The following PROM1 variants were observed in gnomAD, a reference collection of about 807,000 sequenced individuals.
PROM1 encodes prominin 1.
Under a neutral mutation model 116.9 loss-of-function variants are expected in PROM1, and 105 were observed. The observed-to-expected ratio is 0.90, with a 90% CI of 0.77 to 1.06. PROM1 has a LOEUF of 1.06. Among genes scored for constraint, PROM1 ranks in the 50% least tolerant of loss-of-function variants. The pLI, the probability that PROM1 is intolerant of heterozygous loss-of-function variation, is 0.00. For synonymous variants in PROM1, 393 were observed against 387.0 expected, an observed-to-expected ratio of 1.02 and a Z score of -0.18; for missense variants, 1,122 against 1,045.2, an observed-to-expected ratio of 1.07 and a Z score of -1.01.
At chr4:16,058,617 A>T (rs1739575992) in intron 2 of PROM1, among the ~76,000 whole-genome samples, 1 of 151,516 alleles carries the variant, frequency 6.6e-6, no homozygotes. Context: ...ACTGCACTCT[A>T]GCCTGGGCGA....
At chr4:15,980,292 CCAA>C (rs1717432242) in intron 24 of PROM1, 127 bp downstream of exon 24, 1 of 690,882 alleles carries the variant, frequency 1.4e-6, no homozygotes, top group Non-Finnish European at 2.5e-6. Context: ...CAGAAGTGAC[CCAA>C]CTACTACTAA....
chr4:15,984,364 G>C lies in PROM1; in HGVS notation c.2281-9C>G. The C allele has an allele frequency of 1.3e-6, 2 of 1,532,556 alleles. No homozygotes were observed. The highest frequency in any genetic ancestry group is 1.8e-6 in the Non-Finnish European group (2 of 1,134,022). The allele number at this position is 1,532,556 out of a possible 1,614,324, so 94.9% of individuals were successfully genotyped here. ...GCCACTTTCTCACTGATCTAGGGGG[G>C]TGGAAACACAGGGAAACTTTGAGCT... On this transcript the variant is annotated splice_polypyrimidine_tract_variant and intron_variant, in intron 22 of 27. Coordinates refer to ENST00000447510, the MANE Select transcript of PROM1 (RefSeq NM_006017.3).
chr4:16,021,825 C>T (rs1729969759), intron 8 of PROM1, among the ~76,000 whole-genome samples: 1 of 152,188 alleles, frequency 6.6e-6, no homozygotes, highest in Admixed American at 6.5e-5. Flanking sequence ...CCCAACTCCA[C>T]CACTTCCCCC....
rs558179596 is a variant in PROM1, at chr4:16,011,788, C to T, written c.1141+1487G>A. Among the ~76,000 whole-genome samples, 5 of 152,302 alleles carry T rather than the reference C, an allele frequency of 3.3e-5. No individual in the cohort carries two copies. In the South Asian group the frequency reaches 1.0e-3, roughly 32 times the overall value. On this transcript the variant is annotated intron_variant, in intron 11 of 27. Transcript: ENST00000447510. ...ATGCAAAAGGAAACCCACAAAACAT[C>T]TAAAGTGTCATGTAGCAAGATAAAA...
chr4:15,993,877 A>C, intron 16 of PROM1, 110 bp downstream of exon 16: 1 of 1,510,848 alleles, frequency 6.6e-7, no homozygotes, highest in Non-Finnish European at 8.9e-7. Flanking sequence ...ACTTTTAAAT[A>C]GTTAATTTTA....
chr4:16,018,556 C>A lies in PROM1; in HGVS notation c.785-16G>T, dbSNP rs1393364833. ...TCCTTGATCGCTATGGAAACACAGCCCGCTTCAGAACACACATGCCAAGTC... is the reference window on the plus strand; with the variant it reads ...TCCTTGATCGCTATGGAAACACAGCACGCTTCAGAACACACATGCCAAGTC... On this transcript the variant is annotated splice_polypyrimidine_tract_variant and intron_variant, in intron 8 of 27. Transcript: ENST00000447510. The A allele has an allele frequency of 3.1e-6, 5 of 1,587,972 alleles. No individual in the cohort carries two copies. In the African/African-American group the frequency reaches 6.7e-5, roughly 21 times the overall value.
intron 26 of PROM1, 64 bp from the exon 27 acceptor site, chr4:15,971,146 T>C: frequency 1.4e-6 from 2 of 1,393,816 alleles, no homozygotes; most frequent in South Asian, 2.5e-5. Context: ...TTTCATCACC[T>C]CTGTGCTAAG....
At chr4:16,021,627 T>C (rs1025388326) in intron 8 of PROM1, among the ~76,000 whole-genome samples, 1 of 152,202 alleles carries the variant, frequency 6.6e-6, no homozygotes, top group Non-Finnish European at 1.5e-5. Flanking sequence ...GGCTGCAGTG[T>C]TGCCTGGCAT....
intron 26 of PROM1, among the ~76,000 whole-genome samples, chr4:15,974,118 TTCTC>T (rs35011290): frequency 0.25 from 37,426 of 149,380 alleles, 5,089 homozygotes; most frequent in Non-Finnish European, 0.31. Context: ...CTCTCTCTCT[TTCTC>T]TCTCTCTCTC....
intron 8 of PROM1, 25 bp downstream of exon 8, chr4:16,023,301 T>C: frequency 3.9e-6 from 6 of 1,538,760 alleles, no homozygotes; most frequent in Non-Finnish European, 5.3e-6. Flanking sequence ...GGAACTTTCT[T>C]TGGTCATTTT....
intron 1 of PROM1, chr4:16,080,810 G>A (rs1485715624): frequency 6.6e-6 from 1 of 152,216 alleles, no homozygotes; most frequent in Non-Finnish European, 1.5e-5. Context: ...GCTTTCTTCT[G>A]GGCCTGGGCC....
intron 13 of PROM1, among the ~76,000 whole-genome samples, chr4:16,006,278 T>C (rs767490247): frequency 6.6e-6 from 1 of 152,254 alleles, no homozygotes; most frequent in African/African-American, 2.4e-5. Flanking sequence ...ATAAATAGTG[T>C]GCTTAAGCTG....
intron 13 of PROM1, among the ~76,000 whole-genome samples, chr4:16,006,232 G>C (rs1725431178): frequency 6.6e-6 from 1 of 152,248 alleles, no homozygotes; most frequent in South Asian, 2.1e-4. Context: ...AATCAAGAAA[G>C]CAAGTCTAGC....
intron 3 of PROM1, among the ~76,000 whole-genome samples, chr4:16,036,152 C>T (rs1045475706): frequency 6.6e-6 from 1 of 152,160 alleles, no homozygotes; most frequent in African/African-American, 2.4e-5. Context: ...TTCCCAAGTG[C>T]CCTTTTCTAA....
Position 15,998,413 on chromosome 4 carries a change from T to A in PROM1, c.1654A>T (p.Met552Leu). The A allele has an allele frequency of 6.2e-7, 1 of 1,606,184 alleles. No individual in the cohort carries two copies. Among genetic ancestry groups the A allele is most frequent in the Non-Finnish European group, 8.5e-7 (1 of 1,177,740 alleles). The stretch of plus-strand genomic sequence containing the variant: ...TAAACTTGTTCAAAAGTGAGCTTCA[T>A]TTTTGATTTATTAAATAGCTTCCCA... ...LSGKLFNKSK[M>L]KLTFEQVYSD... is the part of the protein sequence containing the mutation. The change falls in exon 15 of 28, where the codon ATG becomes TTG. Residue 552 changes from methionine to leucine, a missense_variant. Transcript: ENST00000447510.
intron 26 of PROM1, 122 bp from the exon 27 acceptor site, chr4:15,971,204 T>C (rs1577723757): frequency 4.1e-6 from 3 of 729,926 alleles, no homozygotes; most frequent in Non-Finnish European, 6.6e-6. Flanking sequence ...CCACACCTCA[T>C]AAAGTTTATC....
chr4:16,025,216 T>C lies in PROM1; in HGVS notation c.606A>G (p.Arg202=). 6.2e-7 allele frequency: 1 copy of C among 1,613,962 alleles called. No homozygotes were observed. Among genetic ancestry groups the C allele is most frequent in the Non-Finnish European group, 8.5e-7 (1 of 1,179,824 alleles). ...CCTCTGGAGTTTCATTCAAGAGAGT[T>C]CGCAAGTCCTTGAAATTGCTATCTG... ...KLADSNFKDL[R]TLLNETPEQI... Residue 202 remains arginine (R), a synonymous_variant, in exon 6 of 28, where the codon CGA becomes CGG. Transcript: ENST00000447510.
At chr4:16,020,083 C>T (rs1327229389) in intron 8 of PROM1, among the ~76,000 whole-genome samples, 1 of 152,090 alleles carries the variant, frequency 6.6e-6, no homozygotes, top group African/African-American at 2.4e-5. Context: ...CCAGGTTGTG[C>T]CCTAATAGCT....
intron 25 of PROM1, 140 bp downstream of exon 25, chr4:15,979,741 G>T: frequency 1.1e-6 from 1 of 912,660 alleles, no homozygotes; most frequent in Non-Finnish European, 1.6e-6. Flanking sequence ...TAAGACCATT[G>T]CAATTTATTT....
Sources: gnomAD v4.1 joint callset for allele counts (sites outside exome capture counted in the v4.1 genomes callset) on GRCh38, gnomAD v4.1.1 for gene constraint, MANE v1.5 for transcripts, NCBI Gene and HGNC (gene_info 2026-07-23, HGNC 2026-07-21) for gene names.